SLCO2B1: variants seen among roughly 807,000 people sequenced by gnomAD.
SLCO2B1 encodes OATP-RP2.
SLCO2B1 carries 41 observed loss-of-function variants against 67.3 expected under a neutral mutation model. The ratio of observed to expected loss-of-function variants is 0.61; its 90% CI spans 0.47 to 0.79. The LOEUF is 0.79. SLCO2B1 is among the 30% of genes least tolerant of loss of function. The pLI, the probability that SLCO2B1 is intolerant of heterozygous loss-of-function variation, is 0.00. For missense variants in SLCO2B1, 837 were observed against 920.1 expected (o/e 0.91, Z 1.17); for synonymous variants, 379 against 381.4 (o/e 0.99, Z 0.07).
At chr11:75,183,532 T>C (rs1239603301) in intron 7 of SLCO2B1, among the ~76,000 whole-genome samples, 1 of 152,032 alleles carries the variant, frequency 6.6e-6, no homozygotes, top group Non-Finnish European at 1.5e-5. Flanking sequence ...AAAGTATGAG[T>C]TGTTTTTTTT....
At chr11:75,158,939 C>T (rs1949778559) in intron 1 of SLCO2B1, among the ~76,000 whole-genome samples, 1 of 152,152 alleles carries the variant, frequency 6.6e-6, no homozygotes, top group Admixed American at 6.5e-5. Context: ...TCTCTGAAAC[C>T]TTGCTCCTCA....
Position 75,204,646 on chromosome 11 carries a change from C to G in SLCO2B1, c.*66C>G. ...GCAGTACCTCCTCTGAGTCCTTTGC[C>G]CAAGATTGGGTGTCAAGAGCCCTGT... On this transcript the variant is annotated 3_prime_UTR_variant, in exon 14 of 14. Coordinates refer to ENST00000289575, the MANE Select transcript of SLCO2B1 (RefSeq NM_007256.5). 7.0e-7 allele frequency: 1 copy of G among 1,438,754 alleles called. No homozygotes were observed. Among genetic ancestry groups the G allele is most frequent in the Non-Finnish European group, 9.3e-7 (1 of 1,073,846 alleles). 89.1% of individuals were successfully genotyped at this position (1,438,754 alleles called of 1,614,324 possible). A position where few individuals can be genotyped will look rare whatever the true frequency, so the allele number is the denominator to read the frequency against.
chr11:75,175,081 T>C (rs1407271898), intron 7 of SLCO2B1, among the ~76,000 whole-genome samples: 1 of 152,146 alleles, frequency 6.6e-6, no homozygotes, highest in Non-Finnish European at 1.5e-5. Flanking sequence ...TCCCCAGCTG[T>C]GAACCTGTCT....
chr11:75,168,320 T>G (rs778720704), intron 4 of SLCO2B1, among the ~76,000 whole-genome samples: 3 of 152,170 alleles, frequency 2.0e-5, no homozygotes, highest in Admixed American at 6.5e-5. Flanking sequence ...GTTCTTGACC[T>G]TGGTTCACAT....
intron 8 of SLCO2B1, among the ~76,000 whole-genome samples, chr11:75,191,597 C>T (rs951223315): frequency 6.6e-6 from 1 of 152,164 alleles, no homozygotes; most frequent in African/African-American, 2.4e-5. Context: ...GCTGGCTTGG[C>T]CCTGCTCTGA....
chr11:75,169,245 A>T lies in SLCO2B1; in HGVS notation c.521A>T (p.Asn174Ile), dbSNP rs759916743. The T allele has an allele frequency of 9.9e-6, 16 of 1,614,092 alleles. No individual in the cohort carries two copies. The South Asian group carries it at 1.6e-4, about 17-fold the overall frequency. ...TCGGCCCCAGCCTCGGCCCCCTCCA[A>T]TGGCAACTGCTCAAGCTACACAGAA... ...TTSAPASAPS[N>I]GNCSSYTETQ... Residue 174 changes from asparagine to isoleucine, a missense_variant, in exon 5 of 14, where the codon AAT becomes ATT. Coordinates refer to ENST00000289575, the MANE Select transcript of SLCO2B1 (RefSeq NM_007256.5).
chr11:75,152,836 T>G lies in SLCO2B1; in HGVS notation c.16+1439T>G, dbSNP rs546363876. ...TTGCTTCCCGAGACCCATTCTGGGC[T>G]GTGGCCAGGCTCACCACACTACTCT... On this transcript the variant is annotated intron_variant, in intron 1 of 13. Coordinates refer to ENST00000289575, the MANE Select transcript of SLCO2B1 (RefSeq NM_007256.5). Among the ~76,000 whole-genome samples the G allele has an allele frequency of 2.0e-5, 3 of 152,246 alleles. No homozygotes were observed. The East Asian group carries it at 5.8e-4, about 29-fold the overall frequency.
chr11:75,170,323 T>G (rs1267169929), intron 6 of SLCO2B1, among the ~76,000 whole-genome samples: 1 of 152,208 alleles, frequency 6.6e-6, no homozygotes, highest in Non-Finnish European at 1.5e-5. Flanking sequence ...TCTAGGAAAC[T>G]GCCAGGGGCA....
chr11:75,185,072 A>G (rs1950133236), intron 7 of SLCO2B1, among the ~76,000 whole-genome samples: 1 of 152,200 alleles, frequency 6.6e-6, no homozygotes, highest in Non-Finnish European at 1.5e-5. Flanking sequence ...ATGAATTAAT[A>G]TTTGAATGAA....
At chr11:75,160,230 G>C (rs1382091601) in intron 1 of SLCO2B1, among the ~76,000 whole-genome samples, 1 of 152,226 alleles carries the variant, frequency 6.6e-6, no homozygotes, top group Non-Finnish European at 1.5e-5. Context: ...GGCTAGGTTT[G>C]GGTGGGCCAA....
rs1945245766 is a variant in SLCO2B1 at position 75,204,761 on chromosome 11, A to T, written c.*181A>T. The T allele has an allele frequency of 2.1e-6, 1 of 483,976 alleles. No homozygotes were observed. Among genetic ancestry groups the T allele is most frequent in the Non-Finnish European group, 3.5e-6 (1 of 289,416 alleles). The allele number at this position is 483,976 out of a possible 1,614,324, so 30.0% of individuals were successfully genotyped here. On this transcript the variant is annotated 3_prime_UTR_variant, in exon 14 of 14. Transcript: ENST00000289575. ...GCCTTTGCTTGCTAGTCTGAACCAA[A>T]GAGTTGTTTGGGCATTTGCTGTGTT... is the stretch of plus-strand genomic sequence containing the variant.
intron 3 of SLCO2B1, 89 bp downstream of exon 3, chr11:75,164,189 A>T: frequency 7.1e-7 from 1 of 1,409,304 alleles, no homozygotes; most frequent in South Asian, 1.4e-5. Context: ...ACCCTACCTT[A>T]AGGCCTTCCC....
At chr11:75,183,238 T>G (rs746033159) in intron 7 of SLCO2B1, among the ~76,000 whole-genome samples, 1 of 152,240 alleles carries the variant, frequency 6.6e-6, no homozygotes, top group Non-Finnish European at 1.5e-5. Flanking sequence ...ATGAAACATT[T>G]TCCTTTTTTC....
chr11:75,182,571 A>C (rs1676883), intron 7 of SLCO2B1, among the ~76,000 whole-genome samples: 116,537 of 152,024 alleles, frequency 0.77, 45,509 homozygotes, highest in African/African-American at 0.92. Context: ...GGTGAAACCC[A>C]GTCTCTACTA....
At chr11:75,197,315 T>C (rs1449659045) in intron 10 of SLCO2B1, among the ~76,000 whole-genome samples, 1 of 152,218 alleles carries the variant, frequency 6.6e-6, no homozygotes, top group Non-Finnish European at 1.5e-5. Flanking sequence ...TGGGTGGGGT[T>C]GGGTCCCAGA....
Position 75,193,380 on chromosome 11 carries a change from T to C in SLCO2B1, c.1238T>C (p.Ile413Thr), listed in dbSNP as rs762752722. 6.2e-7 allele frequency: 1 copy of C among 1,614,202 alleles called. No homozygotes were observed. The highest frequency in any genetic ancestry group is 8.5e-7 in the Non-Finnish European group (1 of 1,180,028). ...ACAGCCTCCTACGCCAACCTGCTCA[T>C]CGGCTGCCTCTCCTTCCCTTCGGTC... ...SITASYANLL[I>T]GCLSFPSVIV... The change falls in exon 9 of 14, where the codon ATC (isoleucine) becomes ACC (threonine). Residue 413 changes from isoleucine (I) to threonine (T), a missense_variant. By Grantham distance (89) the Ile-to-Thr change is moderately conservative (BLOSUM62 -1). Transcript: ENST00000289575. The surrounding 1 kb of genome is among the most constrained non-coding windows in gnomAD (Gnocchi z 4.2).
intron 7 of SLCO2B1, among the ~76,000 whole-genome samples, chr11:75,178,503 G>T (rs1348990822): frequency 6.6e-6 from 1 of 151,708 alleles, no homozygotes; most frequent in African/African-American, 2.4e-5. Context: ...TTTTAAATTT[G>T]GTTTATCAAC....
rs146400186 is a variant in SLCO2B1 at position 75,183,712 on chromosome 11, T to C, written c.973-4424T>C. ...GCTAATTTTAAAATTTTTGTCGAAA[T>C]GGGGTCTTACTATGTTGCCCAGGCC... is the stretch of plus-strand genomic sequence containing the variant. On this transcript the variant is annotated intron_variant, in intron 7 of 13. Coordinates refer to ENST00000289575, the MANE Select transcript of SLCO2B1 (RefSeq NM_007256.5). Among the ~76,000 whole-genome samples the C allele has an allele frequency of 8.5e-4, 130 of 152,214 alleles. 2 individuals are homozygous for C. Among genetic ancestry groups the C allele is most frequent in the Admixed American group, 6.7e-3 (103 of 15,280 alleles).
chr11:75,198,087 C>T (rs541440987), intron 10 of SLCO2B1, among the ~76,000 whole-genome samples: 1 of 152,230 alleles, frequency 6.6e-6, no homozygotes, highest in Non-Finnish European at 1.5e-5. Context: ...CAGGGAGAGA[C>T]CTGGGCTGCA....
Sources: gnomAD v4.1 joint callset for allele counts (sites outside exome capture counted in the v4.1 genomes callset) on GRCh38, gnomAD v4.1.1 for gene constraint, Gnocchi (gnomAD v3.1) non-coding constraint, MANE v1.5 for transcripts, NCBI Gene and HGNC (gene_info 2026-07-23, HGNC 2026-07-21) for gene names.